Variants in MICU1 observed in about 807,000 individuals in gnomAD.
MICU1 encodes the protein calcium uptake protein 1, mitochondrial.
A neutral mutation model predicts 56.8 loss-of-function variants in MICU1; 45 were observed. The ratio of observed to expected loss-of-function variants is 0.79; its 90% confidence interval spans 0.62 to 1.02. The LOEUF (loss-of-function observed/expected upper bound fraction) is 1.02. MICU1 is among the 50% of genes least tolerant of loss of function. The pLI, the probability that MICU1 is intolerant of heterozygous loss-of-function variation, is 0.00. For missense variants in MICU1, 504 were observed against 587.1 expected (o/e 0.86, Z 1.46); for synonymous variants, 186 against 195.1 (o/e 0.95, Z 0.39).
At position 72,562,989 on chromosome 10, in the gene MICU1, T is replaced by C. The variant is rs1326793726; in HGVS notation, c.236A>G (p.Glu79Gly). 1.2e-6 allele frequency: 2 copies of C among 1,609,630 alleles called. No individual in the cohort carries two copies. The highest frequency in any genetic ancestry group is 3.4e-5 in the Admixed American group (2 of 59,350). ...DIGDKGKNKD[E>G]GDVCNHEKKT... ...TTTCTCATGGTTACAAACATCCCCT[T>C]CATCTTTATTCTTCCCTTTATCACC... Residue 79 changes from glutamate (E) to glycine (G), a missense_variant, in exon 3 of 12, where the codon GAA becomes GGA. Glu to Gly is a moderately conservative substitution (Grantham distance 98). Coordinates refer to ENST00000361114, the MANE Select transcript of MICU1 (RefSeq NM_001195518.2).
At chr10:72,486,540 T>C (rs183770479) in intron 6 of MICU1, among the ~76,000 whole-genome samples, 2 of 152,310 alleles carry the variant, frequency 1.3e-5, no homozygotes, top group Admixed American at 6.5e-5. Context: ...GGTGCAATCA[T>C]GGCTTACTGA....
At position 72,544,010 on chromosome 10, in the gene MICU1, G is replaced by A. The variant is rs192519040; in HGVS notation, c.493+7169C>T. On this transcript the variant is annotated intron_variant, in intron 4 of 11. Transcript: ENST00000361114. Reference sequence around the variant, plus strand: ...GAAATCCACAGGCAGACAGCTCGGCGCTGTGCCCTGGGCCTGGTAGTTAAA... The same window carrying A: ...GAAATCCACAGGCAGACAGCTCGGCACTGTGCCCTGGGCCTGGTAGTTAAA... Among the ~76,000 whole-genome samples, 114 of 152,308 alleles carry A rather than the reference G, an allele frequency of 7.5e-4. 1 individual carries two copies. Among genetic ancestry groups the A allele is most frequent in the African/African-American group, 2.5e-3 (104 of 41,562 alleles).
chr10:72,515,378 A>AT (rs1003966186), intron 5 of MICU1, among the ~76,000 whole-genome samples: 2 of 152,058 alleles, frequency 1.3e-5, no homozygotes, highest in South Asian at 2.1e-4. Context: ...CCGCTGTGTC[A>AT]TTTTTTCTCT....
rs1233685829 is a variant in MICU1, at chr10:72,475,156, T to C, written c.877A>G (p.Ile293Val). ...CGCTGAAATTCGAGGAAGTTTTTGA[T>C]TGTCAGCTTTCCCTTCAGATCAGCT... ...FGADLKGKLT[I>V]KNFLEFQRKL... The change falls in exon 8 of 12, where the codon ATC becomes GTC. Residue 293 changes from isoleucine (I) to valine (V), a missense_variant. Coordinates refer to ENST00000361114, the MANE Select transcript of MICU1 (RefSeq NM_001195518.2). 1 of 1,611,530 alleles carries C rather than the reference T, an allele frequency of 6.2e-7. No homozygotes were observed.
In MICU1 at chr10:72,569,237, A is replaced by ATTTTTTTTT. The variant is rs1178823534; in HGVS notation, c.-1-2452_-1-2444dup. Reference sequence around the variant, plus strand: ...TATATATATATATATATATATATATATTTTTTTTTTTTTTTGAGATGGCGT... The same window carrying ATTTTTTTTT: ...TATATATATATATATATATATATATATTTTTTTTTTTTTTTTTTTTTTTTGAGATGGCGT... On this transcript the variant is annotated intron_variant, in intron 1 of 11. Coordinates refer to ENST00000361114, the MANE Select transcript of MICU1 (RefSeq NM_001195518.2). Among the ~76,000 whole-genome samples the ATTTTTTTTT allele has an allele frequency of 7.8e-3, 268 of 34,356 alleles. 22 individuals carry two copies. Among genetic ancestry groups the ATTTTTTTTT allele is most frequent in the Admixed American group, 0.01 (17 of 1,648 alleles). The allele number at this position is 34,356 out of a possible 152,430, so 22.5% of individuals were successfully genotyped here.
At chr10:72,596,846 C>A (rs533523185) in intron 1 of MICU1, among the ~76,000 whole-genome samples, 1 of 150,414 alleles carries the variant, frequency 6.6e-6, no homozygotes, top group South Asian at 2.1e-4. Context: ...GCACTCCAGC[C>A]TGGGTGACAG....
At chr10:72,581,061 G>T (rs565601673) in intron 1 of MICU1, among the ~76,000 whole-genome samples, 1 of 152,266 alleles carries the variant, frequency 6.6e-6, no homozygotes, top group East Asian at 1.9e-4. Flanking sequence ...TTCAACTGAG[G>T]AGTAGTGACA....
intron 10 of MICU1, among the ~76,000 whole-genome samples, chr10:72,382,404 G>T (rs188958961): frequency 6.6e-6 from 1 of 151,764 alleles, no homozygotes; most frequent in African/African-American, 2.4e-5. Flanking sequence ...GAGCCACCGC[G>T]CCTGGCCTGT....
In MICU1 at chr10:72,508,232, C is replaced by A. The variant is rs1275084565; in HGVS notation, c.575G>T (p.Gly192Val). The A allele has an allele frequency of 2.6e-6, 4 of 1,529,278 alleles. No individual in the cohort carries two copies. Among genetic ancestry groups the A allele is most frequent in the Non-Finnish European group, 3.6e-6 (4 of 1,123,742 alleles). The allele number at this position is 1,529,278 out of a possible 1,614,324, so 94.7% of individuals were successfully genotyped here. A position where few individuals can be genotyped will look rare whatever the true frequency, so the allele number is the denominator to read the frequency against. Residue 192 changes from glycine to valine, a missense_variant, in exon 6 of 12, where the codon GGC (glycine) becomes GTC (valine). Gly to Val is a moderately radical substitution (Grantham distance 109). Transcript: ENST00000361114. ...TTCTCCAAGGGTGTAAAATATACTG[C>A]CTTCATCAGCAAATTTTTCTCGTTC... ...SQEREKFADE[G>V]SIFYTLGECG...
At chr10:72,370,402 A>G (rs1358275735) in intron 11 of MICU1, among the ~76,000 whole-genome samples, 1 of 152,172 alleles carries the variant, frequency 6.6e-6, no homozygotes, top group Non-Finnish European at 1.5e-5. Flanking sequence ...ACTTCTGTAG[A>G]GTACCCAAAA....
At chr10:72,492,170 C>T (rs561703728) in intron 6 of MICU1, among the ~76,000 whole-genome samples, 16 of 152,194 alleles carry the variant, frequency 1.1e-4, no homozygotes, top group African/African-American at 3.9e-4. Flanking sequence ...TAAATAAAGA[C>T]TTTGGCTTTA....
At chr10:72,446,575 C>A (rs916017212) in intron 8 of MICU1, among the ~76,000 whole-genome samples, 1 of 152,094 alleles carries the variant, frequency 6.6e-6, no homozygotes, top group Non-Finnish European at 1.5e-5. Context: ...GTGATCCACC[C>A]GCCTCAGCCT....
chr10:72,456,862 T>C (rs1564880599), intron 8 of MICU1, among the ~76,000 whole-genome samples: 1 of 25,014 alleles, frequency 4.0e-5, no homozygotes, highest in Non-Finnish European at 1.2e-4. Context: ...TGTGTGTGTG[T>C]GTGTGTGTGT....
In MICU1 at chr10:72,423,504, A is replaced by C. The variant is rs1304939076; in HGVS notation, c.934-133T>G. On this transcript the variant is annotated intron_variant, in intron 8 of 11. Transcript: ENST00000361114. Reference sequence around the variant, plus strand: ...ACTATATTTTTGAGGTACAATTCTCAGTAAGATCTGCAAAAACTAAGAAAC... The same window carrying C: ...ACTATATTTTTGAGGTACAATTCTCCGTAAGATCTGCAAAAACTAAGAAAC... 3.6e-6 allele frequency: 4 copies of C among 1,112,732 alleles called. No homozygotes were observed. In the African/African-American group the frequency reaches 4.7e-5, roughly 13 times the overall value. 68.9% of individuals were successfully genotyped at this position (1,112,732 alleles called of 1,614,324 possible).
intron 1 of MICU1, among the ~76,000 whole-genome samples, chr10:72,597,653 C>G (rs560226439): frequency 2.0e-5 from 3 of 152,208 alleles, no homozygotes; most frequent in South Asian, 2.1e-4. Flanking sequence ...TAAAATTTCA[C>G]GTCTAAACAT....
intron 1 of MICU1, among the ~76,000 whole-genome samples, chr10:72,624,428 C>A (rs1842181438): frequency 6.6e-6 from 1 of 152,132 alleles, no homozygotes; most frequent in Admixed American, 6.6e-5. Context: ...AGGGATCCAC[C>A]CGGCCTCCCA....
At chr10:72,601,623 T>C (rs996068499) in intron 1 of MICU1, among the ~76,000 whole-genome samples, 20 of 151,958 alleles carry the variant, frequency 1.3e-4, no homozygotes, top group East Asian at 3.9e-4. Context: ...CAAAAGAGCA[T>C]ATAAATTTAT....
intron 5 of MICU1, among the ~76,000 whole-genome samples, chr10:72,529,946 C>CTTTTTTTTT (rs11338457): frequency 1.2e-4 from 12 of 100,802 alleles, no homozygotes; most frequent in African/African-American, 4.1e-4. Context: ...GGGGAAGGTG[C>CTTTTTTTTT]TTTTTTTTTT....
intron 5 of MICU1, among the ~76,000 whole-genome samples, chr10:72,510,033 T>C (rs7350413): frequency 0.63 from 95,164 of 151,934 alleles, 31,322 homozygotes; most frequent in African/African-American, 0.72. Flanking sequence ...GAAGCTAATA[T>C]TTAATAATAA....
Sources: gnomAD v4.1 joint callset for allele counts (sites outside exome capture counted in the v4.1 genomes callset) on GRCh38, gnomAD v4.1.1 for gene constraint, MANE v1.5 for transcripts, NCBI Gene and HGNC (gene_info 2026-07-23, HGNC 2026-07-21) for gene names.